The following C1orf159 variants were observed in gnomAD, a reference collection of about 807,000 sequenced individuals.
The protein encoded by C1orf159 is chromosome 1 open reading frame 159.
A neutral mutation model predicts 25.6 loss-of-function variants in C1orf159; 19 were observed. That is an observed-to-expected ratio of 0.74 (90% CI 0.52 to 1.09). The LOEUF is 1.09. Among genes scored for constraint, C1orf159 ranks in the 50% least tolerant of loss-of-function variants. C1orf159 has a pLI of 0.00. For synonymous variants in C1orf159, 139 were observed against 124.7 expected, an observed-to-expected ratio of 1.12 and a Z score of -0.77; for missense variants, 274 against 290.6, an observed-to-expected ratio of 0.94 and a Z score of 0.42.
chr1:1,083,876 G>T, intron 9 of C1orf159: 1 of 1,522,392 alleles, frequency 6.6e-7, no homozygotes. Flanking sequence ...CGGTCACTCA[G>T]CCTGTGTCTG....
intron 1 of C1orf159, among the ~76,000 whole-genome samples, chr1:1,109,934 G>C (rs147017020): frequency 1.3e-5 from 2 of 152,202 alleles, no homozygotes; most frequent in Non-Finnish European, 2.9e-5. Flanking sequence ...GGAAAGTGAC[G>C]CTGTAGTTAT....
intron 3 of C1orf159, 141 bp downstream of exon 3, chr1:1,091,329 CAG>C: frequency 1.2e-6 from 1 of 830,930 alleles, no homozygotes. Context: ...CCTCTGACCC[CAG>C]CAGTGGACCT....
chr1:1,099,021 G>A (rs1438063542), intron 1 of C1orf159, among the ~76,000 whole-genome samples: 1 of 151,972 alleles, frequency 6.6e-6, no homozygotes, highest in Non-Finnish European at 1.5e-5. Context: ...AAGAATCGGA[G>A]ACAGAGAGGT....
rs1287383434 is a variant in C1orf159, at chr1:1,110,805, G to T, written c.-136+5255C>A. Among the ~76,000 whole-genome samples, 2 of 152,174 alleles carry T rather than the reference G, an allele frequency of 1.3e-5. No individual in the cohort carries two copies. The highest frequency in any genetic ancestry group is 4.8e-5 in the African/African-American group (2 of 41,452). On this transcript the variant is annotated intron_variant, in intron 1 of 9. Transcript: ENST00000421241. The surrounding 1 kb of genome is among the most constrained non-coding windows in gnomAD (Gnocchi z 4.8). ...ACAGCGCATCCCACACCCACTCCTT[G>T]TGCAGCACCTCAGAGGAAGCTCAAC...
chr1:1,096,277 T>A (rs1229057477), intron 1 of C1orf159, among the ~76,000 whole-genome samples: 1 of 152,176 alleles, frequency 6.6e-6, no homozygotes, highest in East Asian at 1.9e-4. Flanking sequence ...CACTGCCGCC[T>A]TGAGCTCCTG....
chr1:1,104,225 G>A (rs1646140106), intron 1 of C1orf159, among the ~76,000 whole-genome samples: 1 of 152,186 alleles, frequency 6.6e-6, no homozygotes, highest in African/African-American at 2.4e-5. Flanking sequence ...CTGACCTCGT[G>A]ATCCACCTGC....
intron 4 of C1orf159, among the ~76,000 whole-genome samples, chr1:1,088,787 C>T (rs952457187): frequency 3.9e-5 from 6 of 152,256 alleles, no homozygotes; most frequent in South Asian, 2.1e-4. Context: ...CGGGCCGCGG[C>T]GACACGGGGA....
chr1:1,103,375 T>C (rs1481781088), intron 1 of C1orf159, among the ~76,000 whole-genome samples: 2 of 152,246 alleles, frequency 1.3e-5, no homozygotes, highest in Non-Finnish European at 2.9e-5. Context: ...TGGCTCTTCA[T>C]ATGTTGAGTG....
At chr1:1,097,585 T>A (rs1421070300) in intron 1 of C1orf159, among the ~76,000 whole-genome samples, 2 of 77,924 alleles carry the variant, frequency 2.6e-5, no homozygotes, top group African/African-American at 2.0e-4. Flanking sequence ...GCTCATTAAA[T>A]TTTTTTTTTT....
At chr1:1,102,376 A>AC (rs1484988538) in intron 1 of C1orf159, among the ~76,000 whole-genome samples, 3 of 137,546 alleles carry the variant, frequency 2.2e-5, no homozygotes, top group Admixed American at 1.4e-4. Context: ...AATCACTTCC[A>AC]CCCTTTTTTT....
rs1570302021 is a variant in C1orf159, at chr1:1,086,007, G to C, written c.316C>G (p.Pro106Ala). The C allele has an allele frequency of 1.9e-6, 3 of 1,612,828 alleles. No homozygotes were observed. In the South Asian group the frequency reaches 3.3e-5, roughly 18 times the overall value. ...GTPGRPHPGA[P>A]RVAASLFLGT... Reference sequence around the variant, plus strand: ...AGGAAGAGGGAGGCGGCCACGCGCGGAGCCCCTGCAAACAGACACCGCTGA... The same window carrying C: ...AGGAAGAGGGAGGCGGCCACGCGCGCAGCCCCTGCAAACAGACACCGCTGA... The change falls in exon 7 of 10, where the codon CCG (proline) becomes GCG (alanine). Residue 106 changes from proline (P) to alanine (A), a missense_variant. By Grantham distance (27) the Pro-to-Ala change is conservative (BLOSUM62 -1). Coordinates refer to ENST00000421241, the MANE Select transcript of C1orf159 (RefSeq NM_017891.5).
chr1:1,083,897 C>A (rs748898551), intron 9 of C1orf159: 5 of 1,558,376 alleles, frequency 3.2e-6, no homozygotes, highest in Non-Finnish European at 4.3e-6. Context: ...TGGCCCCGCA[C>A]ATAAAATGGG....
intron 8 of C1orf159, 41 bp downstream of exon 8, chr1:1,084,440 G>T: frequency 1.3e-6 from 2 of 1,578,366 alleles, no homozygotes; most frequent in South Asian, 2.3e-5. Flanking sequence ...ACAGGCACAC[G>T]CGGCCAGGGA....
At chr1:1,109,692 C>T (rs1557437065) in intron 1 of C1orf159, among the ~76,000 whole-genome samples, 1 of 152,158 alleles carries the variant, frequency 6.6e-6, no homozygotes, top group Admixed American at 6.5e-5. Context: ...TGGTCTTGAA[C>T]TCCTGGGCTC....
intron 1 of C1orf159, among the ~76,000 whole-genome samples, chr1:1,109,044 T>C (rs57107904): frequency 0.065 from 4,619 of 71,566 alleles, 382 homozygotes; most frequent in African/African-American, 0.18. Context: ...GCAGCACCGT[T>C]CACCACAGCC....
rs1003722066 is a variant in C1orf159 at position 1,093,863 on chromosome 1, G to A, written c.-135-1760C>T. Among the ~76,000 whole-genome samples, 5 of 152,172 alleles carry A rather than the reference G, an allele frequency of 3.3e-5. No individual in the cohort carries two copies. In the South Asian group the frequency reaches 8.3e-4, roughly 25 times the overall value. On this transcript the variant is annotated intron_variant, in intron 1 of 9. Transcript: ENST00000421241. ...TTTAACTTTCTAAGGAACTGCAGCC[G>A]TCTTCCACAGTGGCTGTGCTGTATA...
intron 1 of C1orf159, chr1:1,106,998 A>C (rs12754457): frequency 0.24 from 36,579 of 152,228 alleles, 5,958 homozygotes; most frequent in African/African-American, 0.47. Context: ...AGCTGCCTCC[A>C]CGCGGGGCAG....
rs1255663379 is a variant in C1orf159 at position 1,082,314 on chromosome 1, C to T, written c.*579G>A. ...CTGCAGCTCCGGAAATGGGTGGCTG[C>T]GTGCTTGGGGTCTCCGCCACGCGGG... is the stretch of plus-strand genomic sequence containing the variant. On this transcript the variant is annotated 3_prime_UTR_variant, in exon 10 of 10. Coordinates refer to ENST00000421241, the MANE Select transcript of C1orf159 (RefSeq NM_017891.5). The T allele has an allele frequency of 1.9e-5, 3 of 155,340 alleles. No homozygotes were observed. Among genetic ancestry groups the T allele is most frequent in the South Asian group, 2.0e-4 (1 of 5,038 alleles). 9.6% of individuals were successfully genotyped at this position (155,340 alleles called of 1,614,324 possible). A position where few individuals can be genotyped will look rare whatever the true frequency, so the allele number is the denominator to read the frequency against.
At chr1:1,114,704 G>A (rs1272859990) in intron 1 of C1orf159, among the ~76,000 whole-genome samples, 4 of 152,140 alleles carry the variant, frequency 2.6e-5, no homozygotes, top group Admixed American at 1.3e-4. Context: ...GAATGCAAAC[G>A]GGGAACATAA....
Sources: allele counts gnomAD v4.1 joint callset (sites outside exome capture counted in the v4.1 genomes callset), GRCh38; gene constraint gnomAD v4.1.1; non-coding constraint Gnocchi (gnomAD v3.1); transcripts MANE v1.5; gene names NCBI Gene and HGNC (gene_info 2026-07-23, HGNC 2026-07-21).